CFAP92: variants seen among roughly 807,000 people sequenced by gnomAD.
CFAP92 encodes the protein uncharacterized protein CFAP92.
Under a neutral mutation model 106.3 loss-of-function variants are expected in CFAP92, and 86 were observed. The observed-to-expected ratio is 0.81, with a 90% confidence interval of 0.68 to 0.97. The LOEUF is 0.97. CFAP92 is among the 50% of genes least tolerant of loss of function. The probability of loss-of-function intolerance (pLI) is 0.00; values close to 1 mark genes in which losing one functional copy is unlikely to be tolerated. For synonymous variants in CFAP92, 477 were observed against 506.4 expected (o/e 0.94, Z 0.78); for missense variants, 1,204 against 1,283.8 (o/e 0.94, Z 0.95).
chr3:128,993,318 C>T lies in CFAP92; in HGVS notation c.-14G>A. ...ATGTAGCGACATGCTGCAGAGCGCA[C>T]TGCTGGCCGCCGGCGCTCCTGGCAG... On this transcript the variant is annotated 5_prime_UTR_variant, in exon 2 of 16. It adds an upstream start codon to the 5' untranslated region. Transcript: ENST00000645291. 1 of 1,607,408 alleles carries T rather than the reference C, an allele frequency of 6.2e-7. No homozygotes were observed. Among genetic ancestry groups the T allele is most frequent in the Non-Finnish European group, 8.5e-7 (1 of 1,176,494 alleles).
upstream of CFAP92, among the ~76,000 whole-genome samples, chr3:129,007,235 A>G (rs1945112849): frequency 6.6e-6 from 1 of 151,952 alleles, no homozygotes; most frequent in Non-Finnish European, 1.5e-5. Context: ...GCTACAATTC[A>G]CCTCTGCTTT....
the CFAP92 span, among the ~76,000 whole-genome samples, chr3:129,014,063 G>C: frequency 6.6e-6 from 1 of 152,222 alleles, no homozygotes; most frequent in Non-Finnish European, 1.5e-5. This position sits in a 1 kb window ranked among gnomAD's most constrained non-coding sequence, Gnocchi z 4.3. Flanking sequence ...GAGTCTTCAG[G>C]CTCTTCATTT....
Position 128,916,176 on chromosome 3 carries a change from G to A in CFAP92, c.2847C>T (p.Tyr949=), listed in dbSNP as rs941772581. Residue 949 remains tyrosine, a synonymous_variant, in exon 13 of 16, where the codon TAC becomes TAT. Transcript: ENST00000645291. ...AATTCATGGTCTGGGTACTATAGTT[G>A]TAGACGGCCTTGTTGGCAGGGGCTG... ...KISAPANKAV[Y]NYSTQTMNST... is the part of the protein sequence containing the mutation. The A allele has an allele frequency of 4.1e-6, 5 of 1,231,950 alleles. No homozygotes were observed. The highest frequency in any genetic ancestry group is 4.2e-5 in the Admixed American group (1 of 23,694). 76.3% of individuals were successfully genotyped at this position (1,231,950 alleles called of 1,614,324 possible).
intron 4 of CFAP92, among the ~76,000 whole-genome samples, chr3:128,983,868 G>T (rs1233953537): frequency 6.6e-6 from 1 of 152,226 alleles, no homozygotes; most frequent in Admixed American, 6.5e-5. Flanking sequence ...GAACCACTTG[G>T]TTCTCTAAAG....
chr3:128,991,691 T>C (rs1034140415), intron 2 of CFAP92: 2 of 880,696 alleles, frequency 2.3e-6, no homozygotes, highest in Non-Finnish European at 1.4e-6. Context: ...TCAGCCGGCC[T>C]GCACCAAGGC....
intron 10 of CFAP92, among the ~76,000 whole-genome samples, chr3:128,938,987 T>G (rs1334683809): frequency 6.6e-6 from 1 of 152,188 alleles, no homozygotes; most frequent in Non-Finnish European, 1.5e-5. Flanking sequence ...GGATATAAGA[T>G]CAACATTCAA....
chr3:128,997,088 G>A (rs995365621), upstream of CFAP92, among the ~76,000 whole-genome samples: 1 of 152,330 alleles, frequency 6.6e-6, no homozygotes, highest in Non-Finnish European at 1.5e-5. Flanking sequence ...GACATGGACT[G>A]TACATCTGGT....
At position 128,910,254 on chromosome 3, in the gene CFAP92, C is replaced by A. The variant is rs759323292; in HGVS notation, c.*45G>T. ...AGGGTGTGGTCGGGTGTGGGGGAGG[C>A]TGTGCAGGTTCACCATGCGGTGGCC... On this transcript the variant is annotated 3_prime_UTR_variant, in exon 16 of 16. Transcript: ENST00000645291. The A allele has an allele frequency of 2.6e-6, 4 of 1,566,556 alleles. No individual in the cohort carries two copies. The African/African-American group carries it at 4.0e-5, about 16-fold the overall frequency.
At chr3:128,946,444 AGCCTCAGAGAGGTCTGG>A (rs1169137288) in intron 9 of CFAP92, among the ~76,000 whole-genome samples, 2 of 152,220 alleles carry the variant, frequency 1.3e-5, no homozygotes, top group South Asian at 2.1e-4. Context: ...GGCAGGAGAC[AGCCTCAGAGAGGTCTGG>A]GCCTCAGAGA....
the CFAP92 span, among the ~76,000 whole-genome samples, chr3:129,009,099 C>T: frequency 6.6e-6 from 1 of 152,200 alleles, no homozygotes; most frequent in East Asian, 1.9e-4. Context: ...TCATTCAATC[C>T]CTGCCCAACC....
chr3:128,910,203 C>T lies in CFAP92; in HGVS notation c.*96G>A. On this transcript the variant is annotated 3_prime_UTR_variant, in exon 16 of 16. Coordinates refer to ENST00000645291, the MANE Select transcript of CFAP92 (RefSeq NM_001394090.1). ...CTGGCTGCTGCCATCTGTCCTGCTG[C>T]ACTTTAATGAAGTTGATTGTTGAGG... 3.1e-6 allele frequency: 5 copies of T among 1,609,030 alleles called. No homozygotes were observed. In the South Asian group the frequency reaches 4.4e-5, roughly 14 times the overall value.
chr3:128,934,514 C>T (rs557271561), intron 11 of CFAP92, among the ~76,000 whole-genome samples: 26 of 152,086 alleles, frequency 1.7e-4, no homozygotes, highest in Middle Eastern at 3.4e-3. Context: ...CCACCGCATC[C>T]GGCCTGTTTT....
chr3:129,010,561 G>A, the CFAP92 span, among the ~76,000 whole-genome samples: 1 of 152,170 alleles, frequency 6.6e-6, no homozygotes, highest in East Asian at 1.9e-4. The surrounding 1 kb of genome is among the most constrained non-coding windows in gnomAD (Gnocchi z 4.3). Flanking sequence ...CCACCGTGGA[G>A]GGGACACAAA....
chr3:128,966,568 CTTTTTTTTT>C (rs1197235481), intron 8 of CFAP92: 7 of 126,688 alleles, frequency 5.5e-5, no homozygotes, highest in Admixed American at 1.6e-4. Flanking sequence ...AATGCTTTTT[CTTTTTTTTT>C]TTTTTTTTTT....
chr3:128,957,074 C>G (rs1488116670), intron 9 of CFAP92, among the ~76,000 whole-genome samples: 2 of 151,620 alleles, frequency 1.3e-5, no homozygotes, highest in Non-Finnish European at 2.9e-5. Context: ...TAAAAACACC[C>G]TGAGACAAAG....
At chr3:128,970,519 A>G (rs555944384) in intron 8 of CFAP92, 5 of 152,032 alleles carry the variant, frequency 3.3e-5, no homozygotes, top group Middle Eastern at 3.4e-3. Context: ...AGAAAAAAAA[A>G]GGGGGGGAGT....
chr3:129,022,180 C>T, the CFAP92 span, among the ~76,000 whole-genome samples: 2 of 152,196 alleles, frequency 1.3e-5, no homozygotes, highest in African/African-American at 4.8e-5. Context: ...GCAGGAGCTC[C>T]ACAAAGTTTA....
chr3:128,979,497 G>A (rs1178239023), intron 4 of CFAP92, among the ~76,000 whole-genome samples: 7 of 152,114 alleles, frequency 4.6e-5, no homozygotes, highest in Non-Finnish European at 7.3e-5. Context: ...ACATGCACAC[G>A]TATGTTTATT....
chr3:128,973,432 G>A (rs905688902), intron 7 of CFAP92, among the ~76,000 whole-genome samples: 5 of 152,016 alleles, frequency 3.3e-5, no homozygotes, highest in African/African-American at 9.7e-5. Flanking sequence ...CGAGGCAAGC[G>A]GATCACCTGA....
Sources: allele counts gnomAD v4.1 joint callset (sites outside exome capture counted in the v4.1 genomes callset), GRCh38; gene constraint gnomAD v4.1.1; non-coding constraint Gnocchi (gnomAD v3.1); transcripts MANE v1.5; gene names NCBI Gene and HGNC (gene_info 2026-07-23, HGNC 2026-07-21).